Variants in SAMD4A observed in about 807,000 individuals in gnomAD.
The protein encoded by SAMD4A is protein Smaug homolog 1.
In SAMD4A, 33 loss-of-function variants were observed where a neutral mutation model predicts 81.3. That is an observed-to-expected ratio of 0.41 (90% CI 0.31 to 0.54). SAMD4A has a LOEUF of 0.54. SAMD4A is among the 20% of genes least tolerant of loss of function. The pLI is 0.37. For synonymous variants in SAMD4A, 389 were observed against 382.1 expected, an observed-to-expected ratio of 1.02 and a Z score of -0.21; for missense variants, 854 against 951.1, an observed-to-expected ratio of 0.90 and a Z score of 1.34.
At position 54,706,604 on chromosome 14, in the gene SAMD4A, C is replaced by CA. The variant is rs869228790; in HGVS notation, c.715+4036dup. Among the ~76,000 whole-genome samples, 574 of 77,700 alleles carry CA rather than the reference C, an allele frequency of 7.4e-3. 1 individual carries two copies. Among genetic ancestry groups the CA allele is most frequent in the African/African-American group, 0.021 (515 of 24,740 alleles). The allele number at this position is 77,700 out of a possible 152,430, so 51.0% of individuals were successfully genotyped here. On this transcript the variant is annotated intron_variant, in intron 3 of 12. Coordinates refer to ENST00000554335, the MANE Select transcript of SAMD4A (RefSeq NM_015589.6). ...TGGGTGACAGAGCAAGACTCTGTCT[C>CA]AAAAAAAAAAAAGAAAGAAAGAAAG... is the stretch of plus-strand genomic sequence containing the variant.
intron 2 of SAMD4A, among the ~76,000 whole-genome samples, chr14:54,617,932 T>C (rs1219575830): frequency 6.6e-6 from 1 of 152,238 alleles, no homozygotes; most frequent in African/African-American, 2.4e-5. Flanking sequence ...GACATCGAAA[T>C]AGATGATGCC....
chr14:54,695,973 A>AT (rs2036567728), intron 2 of SAMD4A, among the ~76,000 whole-genome samples: 1 of 144,026 alleles, frequency 6.9e-6, no homozygotes, highest in Admixed American at 7.0e-5. Context: ...AAAAAAAAAA[A>AT]GAAAAAGAAA....
At chr14:54,778,733 C>A (rs1340695517) in intron 11 of SAMD4A, among the ~76,000 whole-genome samples, 1 of 152,158 alleles carries the variant, frequency 6.6e-6, no homozygotes, top group Non-Finnish European at 1.5e-5. Flanking sequence ...TCTAAATTTC[C>A]TGATTGCAAA....
chr14:54,725,374 C>G (rs2140882928), intron 3 of SAMD4A, among the ~76,000 whole-genome samples: 1 of 152,206 alleles, frequency 6.6e-6, no homozygotes, highest in South Asian at 2.1e-4. Flanking sequence ...AAAGGAAAAA[C>G]CAAGTTGAAT....
intron 9 of SAMD4A, among the ~76,000 whole-genome samples, chr14:54,770,987 C>A (rs1481670166): frequency 4.0e-5 from 6 of 151,764 alleles, no homozygotes; most frequent in Non-Finnish European, 7.4e-5. Context: ...AAAACATGAG[C>A]AGATAATTTC....
chr14:54,566,511 G>A (rs1375722973), upstream of SAMD4A, among the ~76,000 whole-genome samples: 1 of 151,786 alleles, frequency 6.6e-6, no homozygotes, highest in Non-Finnish European at 1.5e-5. Flanking sequence ...TGGGACTGGG[G>A]GAACCCCCGC....
Position 54,791,534 on chromosome 14 carries a change from T to G in SAMD4A, c.*2590T>G, listed in dbSNP as rs2039259135. On this transcript the variant is annotated 3_prime_UTR_variant, in exon 13 of 13. Transcript: ENST00000554335. Reference sequence around the variant, plus strand: ...ATGTTACTTATTAACTTGCTATGGCTGGTAACCATGATAAAGTCTGTTATT... The same window carrying G: ...ATGTTACTTATTAACTTGCTATGGCGGGTAACCATGATAAAGTCTGTTATT... 1 of 152,240 alleles carries G rather than the reference T, an allele frequency of 6.6e-6. No homozygotes were observed. The highest frequency in any genetic ancestry group is 1.5e-5 in the Non-Finnish European group (1 of 68,046). The allele number at this position is 152,240 out of a possible 1,614,324, so 9.4% of individuals were successfully genotyped here. A position where few individuals can be genotyped will look rare whatever the true frequency, so the allele number is the denominator to read the frequency against.
intron 2 of SAMD4A, among the ~76,000 whole-genome samples, chr14:54,639,020 C>T (rs759109517): frequency 6.6e-6 from 1 of 152,210 alleles, no homozygotes; most frequent in African/African-American, 2.4e-5. Context: ...TCATTTGTCT[C>T]ACTAGATGCC....
chr14:54,711,893 C>T (rs952569141), intron 3 of SAMD4A, among the ~76,000 whole-genome samples: 17 of 152,264 alleles, frequency 1.1e-4, no homozygotes, highest in African/African-American at 3.1e-4. Context: ...GCCCCTAATG[C>T]GGCAAGAGTC....
chr14:54,718,197 C>T (rs1444819403), intron 3 of SAMD4A, among the ~76,000 whole-genome samples: 3 of 152,242 alleles, frequency 2.0e-5, no homozygotes, highest in African/African-American at 7.2e-5. Context: ...TTCACGTCTG[C>T]ATGTCTGCGT....
chr14:54,738,930 G>A (rs2037769780), intron 4 of SAMD4A, among the ~76,000 whole-genome samples: 1 of 152,146 alleles, frequency 6.6e-6, no homozygotes, highest in Non-Finnish European at 1.5e-5. Flanking sequence ...GAAGGGTAAG[G>A]AGGATCCTAT....
At chr14:54,606,206 T>TGC (rs2034197062) in intron 2 of SAMD4A, among the ~76,000 whole-genome samples, 1 of 151,440 alleles carries the variant, frequency 6.6e-6, no homozygotes. Flanking sequence ...TGTGTGTGTG[T>TGC]GTGTGTGCGT....
At chr14:54,788,692 A>C (rs1326285769) in intron 12 of SAMD4A, among the ~76,000 whole-genome samples, 1 of 152,228 alleles carries the variant, frequency 6.6e-6, no homozygotes, top group Non-Finnish European at 1.5e-5. Flanking sequence ...GGTGAGGATT[A>C]GATATTTTCA....
chr14:54,760,991 GA>G (rs2038383110), intron 7 of SAMD4A, among the ~76,000 whole-genome samples: 1 of 51,628 alleles, frequency 1.9e-5, no homozygotes, highest in East Asian at 6.1e-4. Flanking sequence ...CCTCACCACT[GA>G]AAGTGTTCTC....
At chr14:54,571,086 G>A (rs1473369803) in intron 2 of SAMD4A, among the ~76,000 whole-genome samples, 4 of 152,158 alleles carry the variant, frequency 2.6e-5, no homozygotes, top group Non-Finnish European at 5.9e-5. Context: ...ATGCAGGACT[G>A]ATTTTAAATA....
chr14:54,729,614 T>A (rs2037509035), intron 3 of SAMD4A, among the ~76,000 whole-genome samples: 2 of 152,310 alleles, frequency 1.3e-5, no homozygotes, highest in Non-Finnish European at 2.9e-5. Context: ...ATGGACAAAC[T>A]TAAGGGTTTA....
intron 2 of SAMD4A, among the ~76,000 whole-genome samples, chr14:54,608,509 G>A (rs17127660): frequency 0.014 from 2,176 of 152,334 alleles, 46 homozygotes; most frequent in African/African-American, 0.05. Flanking sequence ...GCTTGCCTCT[G>A]TATCGCCCCG....
intron 2 of SAMD4A, among the ~76,000 whole-genome samples, chr14:54,631,162 C>G (rs182557692): frequency 1.3e-5 from 2 of 152,116 alleles, no homozygotes; most frequent in Non-Finnish European, 2.9e-5. Flanking sequence ...GAGGAATTCT[C>G]CCTTACTCAA....
intron 2 of SAMD4A, among the ~76,000 whole-genome samples, chr14:54,574,708 C>T (rs546768192): frequency 2.6e-5 from 4 of 152,346 alleles, no homozygotes; most frequent in African/African-American, 7.2e-5. Context: ...CTCTTGGCTC[C>T]TCCTAGTAGG....
Sources: allele counts gnomAD v4.1 joint callset (sites outside exome capture counted in the v4.1 genomes callset), GRCh38; gene constraint gnomAD v4.1.1; transcripts MANE v1.5; gene names NCBI Gene and HGNC (gene_info 2026-07-23, HGNC 2026-07-21).